The following LIFR variants were observed in gnomAD, a reference collection of about 807,000 sequenced individuals.
LIFR encodes LIF receptor subunit alpha.
In LIFR, 84 loss-of-function variants were observed where a neutral mutation model predicts 122.2. The observed-to-expected ratio is 0.69, with a 90% CI of 0.58 to 0.82. LIFR has a LOEUF of 0.82. Ranked by LOEUF, LIFR falls within the 40% of genes least tolerant of loss-of-function variation. The pLI is 0.00. For synonymous variants in LIFR, 422 were observed against 434.7 expected, an observed-to-expected ratio of 0.97 and a Z score of 0.36; for missense variants, 1,294 against 1,311.6, an observed-to-expected ratio of 0.99 and a Z score of 0.21.
chr5:38,497,295 A>G (rs868037095), intron 12 of LIFR, among the ~76,000 whole-genome samples: 1 of 152,250 alleles, frequency 6.6e-6, no homozygotes, highest in Non-Finnish European at 1.5e-5. Context: ...CAACAACAAC[A>G]GCAAAAATGA....
In LIFR at chr5:38,579,165, A is replaced by C. The variant is rs377346769; in HGVS notation, c.-20+16096T>G. 8.5e-5 allele frequency: 13 copies of C among 152,328 alleles called. No homozygotes were observed. In the East Asian group the frequency reaches 2.1e-3, roughly 25 times the overall value. 9.4% of individuals were successfully genotyped at this position (152,328 alleles called of 1,614,324 possible). A position where few individuals can be genotyped will look rare whatever the true frequency, so the allele number is the denominator to read the frequency against. On this transcript the variant is annotated intron_variant, in intron 1 of 19. Transcript: ENST00000263409. ...TTCTAGGACTCTCCAGAACTCTAAG[A>C]TGTCAGAACAAACTTTGGGACATAG...
chr5:38,488,967 A>C, intron 16 of LIFR, 111 bp downstream of exon 16: 1 of 819,548 alleles, frequency 1.2e-6, no homozygotes, highest in South Asian at 1.5e-5. Context: ...TATCTTTCAG[A>C]TAGTTTTGAA....
rs1745451126 is a variant in LIFR at position 38,505,939 on chromosome 5, T to C, written c.1257A>G (p.Ser419=). Residue 419 remains serine, a synonymous_variant, in exon 9 of 20, where the codon TCA becomes TCG. Coordinates refer to ENST00000453190, the MANE Select transcript of LIFR (RefSeq NM_001127671.2). Reference sequence around the variant, plus strand: ...TTATATTAACTAAAATTGTTGATTGTGATCGACCCAGCGGATTGTGAGCAT... The same window carrying C: ...TTATATTAACTAAAATTGTTGATTGCGATCGACCCAGCGGATTGTGAGCAT... ...TLNAHNPLGR[S]QSTILVNITE... 1 of 1,609,824 alleles carries C rather than the reference T, an allele frequency of 6.2e-7. No homozygotes were observed. Among genetic ancestry groups the C allele is most frequent in the Admixed American group, 1.7e-5 (1 of 59,788 alleles).
At chr5:38,577,384 C>G (rs924467523) in intron 1 of LIFR, among the ~76,000 whole-genome samples, 1 of 152,222 alleles carries the variant, frequency 6.6e-6, no homozygotes, top group African/African-American at 2.4e-5. Context: ...CTACCCAGCT[C>G]TCAGGACTTC....
At chr5:38,544,407 C>T (rs1747761302) in intron 1 of LIFR, among the ~76,000 whole-genome samples, 1 of 152,162 alleles carries the variant, frequency 6.6e-6, no homozygotes, top group African/African-American at 2.4e-5. Context: ...GGCCTTCTTC[C>T]ATTCCTCACA....
chr5:38,499,522 G>A lies in LIFR; in HGVS notation c.1662C>T (p.Ile554=), dbSNP rs768795619. 1 of 1,593,138 alleles carries A rather than the reference G, an allele frequency of 6.3e-7. No individual in the cohort carries two copies. Among genetic ancestry groups the A allele is most frequent in the Admixed American group, 1.7e-5 (1 of 59,990 alleles). ...EWSSDGKNLI[I]YWKPLPINEA... Reference sequence around the variant, plus strand: ...AAAATTAGATATTTACCTTCCAATAGATTATTAAATTTTTTCCATCAGAAC... The same window carrying A: ...AAAATTAGATATTTACCTTCCAATAAATTATTAAATTTTTTCCATCAGAAC... The change falls in exon 12 of 20, where the codon ATC becomes ATT. Residue 554 remains isoleucine, a synonymous_variant. Transcript: ENST00000453190.
chr5:38,596,681 A>G (rs1242132653), upstream of LIFR, among the ~76,000 whole-genome samples: 2 of 152,092 alleles, frequency 1.3e-5, no homozygotes, highest in African/African-American at 4.8e-5. Flanking sequence ...AACACCCATG[A>G]CCTCTTTTTC....
At chr5:38,511,671 C>T (rs1745811046) in intron 6 of LIFR, 119 bp downstream of exon 6, 1 of 952,502 alleles carries the variant, frequency 1.0e-6, no homozygotes, top group African/African-American at 1.6e-5. Context: ...TAGACGCTCC[C>T]AGGTAATCCT....
chr5:38,598,262 T>TTTTTTTTTG (rs1750157828), upstream of LIFR, among the ~76,000 whole-genome samples: 1 of 111,802 alleles, frequency 8.9e-6, no homozygotes, highest in African/African-American at 3.6e-5. Flanking sequence ...TTTTTTTTCT[T>TTTTTTTTTG]TTTAGAGGGA....
chr5:38,596,298 G>C (rs565315270), upstream of LIFR, among the ~76,000 whole-genome samples: 1 of 152,174 alleles, frequency 6.6e-6, no homozygotes, highest in Admixed American at 6.5e-5. Flanking sequence ...AATCTGCATC[G>C]TTAGGTATGG....
chr5:38,598,245 A>ATTTTTTTT (rs1396004381), upstream of LIFR, among the ~76,000 whole-genome samples: 12 of 46,778 alleles, frequency 2.6e-4, no homozygotes, highest in South Asian at 8.3e-4. Flanking sequence ...TTATTTATTT[A>ATTTTTTTT]TTTTTTTTTT....
At chr5:38,541,020 A>G (rs1747561963) in intron 1 of LIFR, among the ~76,000 whole-genome samples, 1 of 152,142 alleles carries the variant, frequency 6.6e-6, no homozygotes, top group African/African-American at 2.4e-5. Context: ...TTCCACTCCA[A>G]AATAATTCAA....
intron 1 of LIFR, among the ~76,000 whole-genome samples, chr5:38,566,023 C>T (rs1302474505): frequency 6.6e-6 from 1 of 152,122 alleles, no homozygotes; most frequent in Non-Finnish European, 1.5e-5. Context: ...TATTAAGACT[C>T]TCAAAACATG....
At chr5:38,546,003 T>C (rs995023187) in intron 1 of LIFR, among the ~76,000 whole-genome samples, 1 of 152,186 alleles carries the variant, frequency 6.6e-6, no homozygotes, top group African/African-American at 2.4e-5. Context: ...AATTCAACTG[T>C]ATCAAAAGTC....
At position 38,541,877 on chromosome 5, in the gene LIFR, T is replaced by C. The variant is rs145047059; in HGVS notation, c.-19-11211A>G. ...CAAATACAGATGGGAGGAGATATGA[T>C]TTAGCAGCAACACACGGGAAAACCA... On this transcript the variant is annotated intron_variant, in intron 1 of 19. Coordinates refer to ENST00000453190, the MANE Select transcript of LIFR (RefSeq NM_001127671.2). Among the ~76,000 whole-genome samples the C allele has an allele frequency of 7.1e-3, 1,087 of 152,244 alleles. 18 individuals carry two copies. Among genetic ancestry groups the C allele is most frequent in the Admixed American group, 0.034 (514 of 15,296 alleles).
intron 5 of LIFR, among the ~76,000 whole-genome samples, chr5:38,516,692 C>A (rs977531479): frequency 6.6e-6 from 1 of 152,110 alleles, no homozygotes; most frequent in East Asian, 1.9e-4. Context: ...TTTGACCCAG[C>A]CATCCCATTA....
intron 1 of LIFR, among the ~76,000 whole-genome samples, chr5:38,554,690 A>T (rs1319888112): frequency 1.3e-5 from 2 of 152,226 alleles, no homozygotes; most frequent in African/African-American, 4.8e-5. Context: ...CAGAATGTTT[A>T]CATGAGCATA....
chr5:38,580,852 A>G (rs1042834579), intron 1 of LIFR, among the ~76,000 whole-genome samples: 6 of 152,044 alleles, frequency 3.9e-5, no homozygotes, highest in Non-Finnish European at 4.4e-5. Context: ...CCCCATAAAT[A>G]TGAGACTCGA....
chr5:38,533,393 G>A (rs945189775), intron 1 of LIFR, among the ~76,000 whole-genome samples: 6 of 152,238 alleles, frequency 3.9e-5, no homozygotes, highest in Admixed American at 2.0e-4. Flanking sequence ...CCATCATAAA[G>A]CACAGGCAGA....
Sources: gnomAD v4.1 joint callset for allele counts (sites outside exome capture counted in the v4.1 genomes callset) on GRCh38, gnomAD v4.1.1 for gene constraint, MANE v1.5 for transcripts, NCBI Gene and HGNC (gene_info 2026-07-23, HGNC 2026-07-21) for gene names.